TMCC2: variants seen among roughly 807,000 people sequenced by gnomAD.
The protein encoded by TMCC2 is transmembrane and coiled-coil domains protein 2.
In TMCC2, 16 loss-of-function variants were observed where a neutral mutation model predicts 49.4. The ratio of observed to expected loss-of-function variants is 0.32; its 90% CI spans 0.22 to 0.49. The LOEUF is 0.49. Among genes scored for constraint, TMCC2 ranks in the 20% least tolerant of loss-of-function variants. The pLI is 0.99. For synonymous variants in TMCC2, 397 were observed against 434.1 expected (o/e 0.91, Z 1.06); for missense variants, 762 against 989.8 (o/e 0.77, Z 3.09).
chr1:205,253,948 C>T (rs571368854), intron 2 of TMCC2, among the ~76,000 whole-genome samples: 2 of 152,252 alleles, frequency 1.3e-5, no homozygotes, highest in African/African-American at 4.8e-5. Flanking sequence ...TCCTATGTAC[C>T]ATTTGCAGCT....
At chr1:205,246,415 T>C in intron 2 of TMCC2, 2 of 1,172,814 alleles carry the variant, frequency 1.7e-6, no homozygotes, top group South Asian at 2.0e-5. Context: ...TGTACGAGTC[T>C]GGAGTTCTGG....
intron 2 of TMCC2, among the ~76,000 whole-genome samples, chr1:205,249,637 G>A (rs1471176107): frequency 6.6e-6 from 1 of 152,226 alleles, no homozygotes; most frequent in Non-Finnish European, 1.5e-5. Flanking sequence ...ACACCACCAC[G>A]CAGGTACATG....
At chr1:205,271,394 G>A in intron 4 of TMCC2, 139 bp downstream of exon 4, 1 of 1,409,544 alleles carries the variant, frequency 7.1e-7, no homozygotes, top group Non-Finnish European at 9.9e-7. Context: ...CATGGATGAA[G>A]AGGGCAGCGT....
chr1:205,244,301 G>A (rs1660377801), intron 2 of TMCC2, among the ~76,000 whole-genome samples: 1 of 152,194 alleles, frequency 6.6e-6, no homozygotes, highest in Non-Finnish European at 1.5e-5. Flanking sequence ...TGAGGAAGGG[G>A]AATTCTCACT....
chr1:205,256,588 A>G (rs1660880418), intron 2 of TMCC2, among the ~76,000 whole-genome samples: 2 of 152,180 alleles, frequency 1.3e-5, no homozygotes, highest in African/African-American at 2.4e-5. Flanking sequence ...GGCTGCTGTC[A>G]GCTTCCTCCA....
At chr1:205,254,555 G>A (rs1311188104) in intron 2 of TMCC2, among the ~76,000 whole-genome samples, 1 of 152,186 alleles carries the variant, frequency 6.6e-6, no homozygotes, top group African/African-American at 2.4e-5. Flanking sequence ...ACATCTCCCT[G>A]GTTCTTGTTT....
chr1:205,229,546 G>C (rs1574820971), intron 1 of TMCC2: 2 of 35,072 alleles, frequency 5.7e-5, no homozygotes, highest in Non-Finnish European at 9.2e-5. Flanking sequence ...GTGAAGGGGC[G>C]GGGGGGGGGG....
At chr1:205,270,110 G>A (rs549182687) in intron 3 of TMCC2, among the ~76,000 whole-genome samples, 2 of 152,092 alleles carry the variant, frequency 1.3e-5, no homozygotes, top group Admixed American at 6.5e-5. Context: ...GCAGTGGCAC[G>A]ATCTCAGCTC....
chr1:205,229,513 GA>G, intron 1 of TMCC2: 1 of 556,916 alleles, frequency 1.8e-6, no homozygotes, highest in South Asian at 8.4e-5. Flanking sequence ...CGCTTTCCTG[GA>G]TGAAGCTCAG....
intron 2 of TMCC2, chr1:205,257,487 A>C (rs747569808): frequency 4.1e-5 from 43 of 1,046,614 alleles, no homozygotes; most frequent in Non-Finnish European, 4.6e-5. Flanking sequence ...TCTCTCAGGG[A>C]GCTCTCCTCC....
chr1:205,241,725 C>CGA lies in TMCC2; in HGVS notation c.428_429insGA (p.Arg144ThrfsTer116), dbSNP rs1202478018. 1 of 1,613,376 alleles carries CGA rather than the reference C, an allele frequency of 6.2e-7. No individual in the cohort carries two copies. Among genetic ancestry groups the CGA allele is most frequent in the Non-Finnish European group, 8.5e-7 (1 of 1,180,008 alleles). ...GCCATGTCCCTGCACGACCTGCCCG[C>CGA]CCGGCCCACCGCCTTCAACCGCGTG... On this transcript the variant is annotated frameshift_variant, in exon 2 of 5. Transcript: ENST00000358024. LOFTEE classifies it high-confidence loss of function. This position sits in a 1 kb window ranked among gnomAD's most constrained non-coding sequence, Gnocchi z 7.3.
intron 2 of TMCC2, among the ~76,000 whole-genome samples, chr1:205,250,014 C>A (rs1024792368): frequency 1.1e-4 from 16 of 152,204 alleles, no homozygotes; most frequent in Admixed American, 3.9e-4. Context: ...TTCCTTTAGT[C>A]TGATTTGAAT....
Position 205,269,591 on chromosome 1 carries a change from C to T in TMCC2, c.1389C>T (p.Gly463=), listed in dbSNP as rs757386655. The T allele has an allele frequency of 5.6e-6, 9 of 1,613,822 alleles. No homozygotes were observed. The Middle Eastern group carries it at 9.9e-4, about 178-fold the overall frequency. The change falls in exon 3 of 5, where the codon GGC becomes GGT. Residue 463 remains glycine (G), a synonymous_variant. Coordinates refer to ENST00000358024, the MANE Select transcript of TMCC2 (RefSeq NM_014858.4). ...PPEEAARALS[G]SATLVSSPKY... ...AGGAGGCAGCCCGGGCACTGAGCGGCAGTGCCACACTCGTCTCCAGCCCCA... is the reference window on the plus strand; with the variant it reads ...AGGAGGCAGCCCGGGCACTGAGCGGTAGTGCCACACTCGTCTCCAGCCCCA...
chr1:205,253,938 T>C (rs1226946981), intron 2 of TMCC2, among the ~76,000 whole-genome samples: 1 of 152,126 alleles, frequency 6.6e-6, no homozygotes, highest in African/African-American at 2.4e-5. Flanking sequence ...GAGATAATGG[T>C]CCTATGTACC....
chr1:205,270,724 G>C (rs16855300), intron 3 of TMCC2, among the ~76,000 whole-genome samples: 2,911 of 152,300 alleles, frequency 0.019, 88 homozygotes, highest in African/African-American at 0.066. Flanking sequence ...GGTACCCAGA[G>C]AGCATCTGAG....
At chr1:205,270,188 A>G (rs1438594336) in intron 3 of TMCC2, among the ~76,000 whole-genome samples, 10 of 152,258 alleles carry the variant, frequency 6.6e-5, no homozygotes, top group African/African-American at 2.4e-4. Context: ...CTGGGATTAC[A>G]GGCACGCACC....
At chr1:205,230,636 T>A (rs1044761837) in intron 1 of TMCC2, among the ~76,000 whole-genome samples, 1 of 152,172 alleles carries the variant, frequency 6.6e-6, no homozygotes, top group African/African-American at 2.4e-5. Context: ...CAGCTGAGTC[T>A]GTGAGAGGCA....
rs577661715 is a variant in TMCC2 at position 205,238,593 on chromosome 1, C to T, written c.208-2912C>T. On this transcript the variant is annotated intron_variant, in intron 1 of 4. Coordinates refer to ENST00000358024, the MANE Select transcript of TMCC2 (RefSeq NM_014858.4). Reference sequence around the variant, plus strand: ...TATAGTTGAGGGTCTTGTCCCATAACATGGGATGGGCAGGTCACAACAGCA... The same window carrying T: ...TATAGTTGAGGGTCTTGTCCCATAATATGGGATGGGCAGGTCACAACAGCA... 4.6e-5 allele frequency among the ~76,000 whole-genome samples: 7 copies of T among 152,298 alleles called. No individual in the cohort carries two copies. The South Asian group carries it at 1.5e-3, about 32-fold the overall frequency.
chr1:205,256,242 C>A, intron 2 of TMCC2: 1 of 1,520,616 alleles, frequency 6.6e-7, no homozygotes. Context: ...GACAGTTCTG[C>A]TGTGAGAAGC....
Sources: allele counts gnomAD v4.1 joint callset (sites outside exome capture counted in the v4.1 genomes callset), GRCh38; gene constraint gnomAD v4.1.1; non-coding constraint Gnocchi (gnomAD v3.1); transcripts MANE v1.5; gene names NCBI Gene and HGNC (gene_info 2026-07-23, HGNC 2026-07-21).